Variants in XIRP2 observed in about 807,000 individuals in gnomAD.
XIRP2 encodes the protein xin actin-binding repeat-containing protein 2.
Under a neutral mutation model 277.0 loss-of-function variants are expected in XIRP2, and 236 were observed. The observed-to-expected ratio is 0.85, with a 90% CI of 0.77 to 0.95. The LOEUF (loss-of-function observed/expected upper bound fraction) is 0.95. XIRP2 is among the 40% of genes least tolerant of loss of function. XIRP2 has a pLI of 0.00. For synonymous variants in XIRP2, 1,490 were observed against 1,416.5 expected, an observed-to-expected ratio of 1.05 and a Z score of -1.17; for missense variants, 4,640 against 4,157.5, an observed-to-expected ratio of 1.12 and a Z score of -3.19.
chr2:167,029,097 A>G (rs1688254773), intron 2 of XIRP2, among the ~76,000 whole-genome samples: 1 of 152,046 alleles, frequency 6.6e-6, no homozygotes, highest in Non-Finnish European at 1.5e-5. Context: ...GGGCAAACCT[A>G]TGACTTAATG....
At chr2:167,010,655 T>C (rs1323886169) in intron 2 of XIRP2, among the ~76,000 whole-genome samples, 3 of 152,176 alleles carry the variant, frequency 2.0e-5, no homozygotes, top group African/African-American at 2.4e-5. Flanking sequence ...ATAAATTACC[T>C]TGGGCAGTAT....
intron 2 of XIRP2, among the ~76,000 whole-genome samples, chr2:166,971,121 G>A (rs1574125608): frequency 6.6e-6 from 1 of 151,916 alleles, no homozygotes; most frequent in African/African-American, 2.4e-5. Flanking sequence ...GCTCTCTTAA[G>A]AGTAAAACTC....
intron 4 of XIRP2, among the ~76,000 whole-genome samples, chr2:167,214,476 CAAAA>C (rs569699283): frequency 2.0e-4 from 17 of 84,648 alleles, no homozygotes; most frequent in Admixed American, 6.7e-4. Flanking sequence ...GACTCCATCT[CAAAA>C]AAAAAAAAAA....
In XIRP2 at chr2:167,248,662, T is replaced by A. The variant is rs777795158; in HGVS notation, c.7270T>A (p.Leu2424Met). The change falls in exon 9 of 11, where the codon TTG becomes ATG. Residue 2424 changes from leucine (L) to methionine (M), a missense_variant. Leu to Met is a conservative substitution (Grantham distance 15). Coordinates refer to ENST00000409195, the MANE Select transcript of XIRP2 (RefSeq NM_152381.6). ...GKTGVLPPPT[L>M]PKPKLPKHIK... ...AACCGGTGTGTTGCCACCTCCCACA[T>A]TGCCCAAACCCAAACTTCCCAAGCA... 11 of 1,613,690 alleles carry A rather than the reference T, an allele frequency of 6.8e-6. No individual in the cohort carries two copies. The highest frequency in any genetic ancestry group is 9.3e-6 in the Non-Finnish European group (11 of 1,179,802).
At chr2:166,937,655 G>A (rs925748579) in intron 2 of XIRP2, among the ~76,000 whole-genome samples, 3 of 152,168 alleles carry the variant, frequency 2.0e-5, no homozygotes, top group African/African-American at 7.2e-5. Flanking sequence ...GATTGGAATA[G>A]TTTCAGAAGG....
At position 166,977,630 on chromosome 2, in the gene XIRP2, A is replaced by T. The variant is rs181203201; in HGVS notation, c.408+73740A>T. ...TAACAATGAAGAGATTTAAACTTCT[A>T]CTGCAAACAACAAAAACTGGGAAAA... is the stretch of plus-strand genomic sequence containing the variant. On this transcript the variant is annotated intron_variant, in intron 2 of 10. Coordinates refer to ENST00000409195, the MANE Select transcript of XIRP2 (RefSeq NM_152381.6). 1.0e-3 allele frequency among the ~76,000 whole-genome samples: 153 copies of T among 152,306 alleles called. 1 individual carries two copies. Among genetic ancestry groups the T allele is most frequent in the Admixed American group, 9.5e-3 (146 of 15,300 alleles).
intron 2 of XIRP2, among the ~76,000 whole-genome samples, chr2:167,103,918 G>T (rs1690549482): frequency 6.6e-6 from 1 of 152,072 alleles, no homozygotes; most frequent in African/African-American, 2.4e-5. Flanking sequence ...CAGCACCAGT[G>T]ATTTGTTTTT....
At chr2:166,965,597 G>A (rs1375500982) in intron 2 of XIRP2, among the ~76,000 whole-genome samples, 1 of 151,634 alleles carries the variant, frequency 6.6e-6, no homozygotes, top group East Asian at 1.9e-4. Flanking sequence ...TTGTTTATTT[G>A]TTTTGAGACA....
At chr2:166,936,831 T>A (rs907304816) in intron 2 of XIRP2, among the ~76,000 whole-genome samples, 11 of 152,194 alleles carry the variant, frequency 7.2e-5, no homozygotes, top group African/African-American at 1.9e-4. Context: ...TAGTATGGTT[T>A]GAAGTCAGGT....
At chr2:167,081,833 G>A (rs1689745189) in intron 2 of XIRP2, among the ~76,000 whole-genome samples, 1 of 152,094 alleles carries the variant, frequency 6.6e-6, no homozygotes, top group South Asian at 2.1e-4. Context: ...GCATGTCAGA[G>A]AGCTCTTAAT....
intron 2 of XIRP2, among the ~76,000 whole-genome samples, chr2:167,092,697 A>T (rs1057372188): frequency 2.0e-5 from 3 of 152,158 alleles, no homozygotes; most frequent in African/African-American, 7.2e-5. Context: ...GATTACATGT[A>T]TAAATCAAAG....
rs35594771 is a variant in XIRP2 at position 166,981,426 on chromosome 2, CT to C, written c.408+77549del. Among the ~76,000 whole-genome samples the C allele has an allele frequency of 9.1e-3, 1,317 of 144,338 alleles. 10 individuals carry two copies. The highest frequency in any genetic ancestry group is 0.024 in the African/African-American group (960 of 39,702). 94.7% of individuals were successfully genotyped at this position (144,338 alleles called of 152,430 possible). A position where few individuals can be genotyped will look rare whatever the true frequency, so the allele number is the denominator to read the frequency against. On this transcript the variant is annotated intron_variant, in intron 2 of 10. Transcript: ENST00000409195. ...CATCTGTGTGTCCTCTGCTCTTCTTCTTTTTTTTTTTTTAAGATGGAGTCTT... is the reference window on the plus strand; with the variant it reads ...CATCTGTGTGTCCTCTGCTCTTCTTCTTTTTTTTTTTTAAGATGGAGTCTT...
At chr2:167,079,689 T>G (rs2105260385) in intron 2 of XIRP2, among the ~76,000 whole-genome samples, 1 of 152,050 alleles carries the variant, frequency 6.6e-6, no homozygotes, top group South Asian at 2.1e-4. Flanking sequence ...TAATGTCACC[T>G]TTGCCGTCTC....
At chr2:167,186,276 A>G (rs1693150832) in intron 3 of XIRP2, among the ~76,000 whole-genome samples, 2 of 152,202 alleles carry the variant, frequency 1.3e-5, no homozygotes, top group Admixed American at 1.3e-4. Context: ...TAGAGTTAAT[A>G]TGCTGGAATA....
chr2:167,164,672 C>T (rs760617562), intron 3 of XIRP2, among the ~76,000 whole-genome samples: 1 of 152,192 alleles, frequency 6.6e-6, no homozygotes, highest in Non-Finnish European at 1.5e-5. Flanking sequence ...AGTTCATGCA[C>T]ACATTTTATT....
intron 2 of XIRP2, among the ~76,000 whole-genome samples, chr2:167,111,109 G>A (rs992056203): frequency 1.2e-4 from 18 of 152,004 alleles, no homozygotes; most frequent in Non-Finnish European, 1.3e-4. Flanking sequence ...ACCGAATTAC[G>A]TCAACTGCAA....
intron 2 of XIRP2, among the ~76,000 whole-genome samples, chr2:166,943,502 AC>A (rs1209995840): frequency 5.3e-5 from 8 of 152,210 alleles, no homozygotes; most frequent in Admixed American, 4.6e-4. Flanking sequence ...TCATCATATC[AC>A]CACTCGTCTT....
intron 4 of XIRP2, among the ~76,000 whole-genome samples, chr2:167,213,305 C>T (rs898456243): frequency 1.3e-5 from 2 of 151,950 alleles, no homozygotes; most frequent in Non-Finnish European, 2.9e-5. Flanking sequence ...ATTTCTATGC[C>T]CAGTTTATAA....
intron 2 of XIRP2, among the ~76,000 whole-genome samples, chr2:166,915,299 C>CAA (rs993808427): frequency 0.01 from 387 of 38,478 alleles, 4 homozygotes; most frequent in African/African-American, 0.014. Flanking sequence ...GACTCCGTCT[C>CAA]AAAAAAAAAA....
Sources: allele counts gnomAD v4.1 joint callset (sites outside exome capture counted in the v4.1 genomes callset), GRCh38; gene constraint gnomAD v4.1.1; transcripts MANE v1.5; gene names NCBI Gene and HGNC (gene_info 2026-07-23, HGNC 2026-07-21).